Variants in ADK observed in about 807,000 individuals in gnomAD.
ADK encodes adenosine kinase, also known as N6,N6-dimethyladenosine kinase.
In ADK, 24 loss-of-function variants were observed where a neutral mutation model predicts 44.7. The observed-to-expected ratio is 0.54, with a 90% confidence interval of 0.39 to 0.76. The LOEUF (loss-of-function observed/expected upper bound fraction) is 0.76. Among genes scored for constraint, ADK ranks in the 30% least tolerant of loss-of-function variants. ADK has a pLI of 0.00. For missense variants in ADK, 321 were observed against 425.1 expected, an observed-to-expected ratio of 0.76 and a Z score of 2.15; for synonymous variants, 128 against 142.6, an observed-to-expected ratio of 0.90 and a Z score of 0.73.
intron 9 of ADK, among the ~76,000 whole-genome samples, chr10:74,616,996 TTC>T (rs1852789061): frequency 1.3e-5 from 2 of 152,162 alleles, no homozygotes; most frequent in African/African-American, 4.8e-5. Context: ...AGGTTTCTGT[TTC>T]TATTTGTTTT....
chr10:74,426,508 G>A (rs1019576798), intron 6 of ADK, among the ~76,000 whole-genome samples: 3 of 152,064 alleles, frequency 2.0e-5, no homozygotes, highest in Non-Finnish European at 2.9e-5. Flanking sequence ...TACCCATAGT[G>A]CTACTTGTCA....
At chr10:74,205,034 C>T (rs111480277) in intron 2 of ADK, among the ~76,000 whole-genome samples, 2,427 of 77,876 alleles carry the variant, frequency 0.031, 35 homozygotes, top group Middle Eastern at 0.077. Context: ...AGTTGACACT[C>T]TGTCTCAAAA....
At chr10:74,686,812 C>T (rs543928986) in intron 10 of ADK, among the ~76,000 whole-genome samples, 84 of 151,844 alleles carry the variant, frequency 5.5e-4, no homozygotes, top group African/African-American at 1.8e-3. Context: ...AAGTAGCTGG[C>T]GACTACAGGT....
chr10:74,611,463 G>A (rs2133995415), intron 9 of ADK, among the ~76,000 whole-genome samples: 1 of 151,248 alleles, frequency 6.6e-6, no homozygotes, highest in East Asian at 1.9e-4. Flanking sequence ...ATCACCTAGT[G>A]AGTTTTTGGT....
chr10:74,624,030 T>C (rs1021226515), intron 9 of ADK, among the ~76,000 whole-genome samples: 1 of 152,132 alleles, frequency 6.6e-6, no homozygotes, highest in Non-Finnish European at 1.5e-5. Flanking sequence ...TCTTTGGAAG[T>C]ATAGCTGAAA....
intron 10 of ADK, among the ~76,000 whole-genome samples, chr10:74,674,144 C>T (rs981007716): frequency 6.6e-5 from 10 of 152,000 alleles, no homozygotes; most frequent in African/African-American, 7.3e-5. Flanking sequence ...TAGGATGGGG[C>T]GCTCACCAGA....
intron 7 of ADK, among the ~76,000 whole-genome samples, chr10:74,573,544 T>C (rs1851052193): frequency 6.6e-6 from 1 of 152,180 alleles, no homozygotes; most frequent in African/African-American, 2.4e-5. Context: ...AGCTGTCAGA[T>C]AGGGACATTT....
chr10:74,647,622 A>G (rs924446602), intron 9 of ADK, among the ~76,000 whole-genome samples: 1 of 152,154 alleles, frequency 6.6e-6, no homozygotes, highest in Admixed American at 6.5e-5. Flanking sequence ...ATTCTGACAC[A>G]TGTATAGTTC....
At chr10:74,707,526 G>A (rs1360578104) in intron 10 of ADK, among the ~76,000 whole-genome samples, 1 of 152,084 alleles carries the variant, frequency 6.6e-6, no homozygotes, top group African/African-American at 2.4e-5. Flanking sequence ...ACTTTGGGAG[G>A]CCAAGGCAGG....
intron 10 of ADK, among the ~76,000 whole-genome samples, chr10:74,697,580 A>G (rs758743528): frequency 3.9e-5 from 6 of 152,242 alleles, no homozygotes; most frequent in Admixed American, 1.3e-4. Context: ...ACTGGGTTTT[A>G]GGTTCCAGCT....
intron 3 of ADK, among the ~76,000 whole-genome samples, chr10:74,247,430 G>T (rs937600748): frequency 4.0e-5 from 6 of 151,310 alleles, no homozygotes; most frequent in African/African-American, 1.5e-4. Context: ...GTAGAGAAGG[G>T]TATTTTTTGT....
At chr10:74,373,341 T>G (rs1326610857) in intron 4 of ADK, among the ~76,000 whole-genome samples, 7 of 152,142 alleles carry the variant, frequency 4.6e-5, no homozygotes, top group Non-Finnish European at 2.9e-5. Flanking sequence ...CATCAAGTTT[T>G]GAAAGTTTTG....
chr10:74,629,489 A>G (rs1853336023), intron 9 of ADK, among the ~76,000 whole-genome samples: 1 of 152,210 alleles, frequency 6.6e-6, no homozygotes, highest in Non-Finnish European at 1.5e-5. Context: ...GTATCTGAAC[A>G]TGTCTATGAC....
intron 7 of ADK, among the ~76,000 whole-genome samples, chr10:74,587,154 T>A (rs1851558096): frequency 6.6e-6 from 1 of 152,184 alleles, no homozygotes; most frequent in Non-Finnish European, 1.5e-5. Context: ...CTTTTTCATA[T>A]AAGAATTTGC....
At chr10:74,176,984 G>C in intron 1 of ADK, 2 of 1,511,634 alleles carry the variant, frequency 1.3e-6, no homozygotes, top group South Asian at 1.2e-5. Context: ...TCTGGAGCCT[G>C]CCTCCGCCTC....
intron 6 of ADK, among the ~76,000 whole-genome samples, chr10:74,473,736 A>G (rs188174524): frequency 7.2e-5 from 11 of 152,340 alleles, no homozygotes. Context: ...ACATCAAGTT[A>G]AGGTGGTGTC....
rs1002920921 is a variant in ADK, at chr10:74,495,030, A to G, written c.556-30226A>G. Among the ~76,000 whole-genome samples, 12 of 152,016 alleles carry G rather than the reference A, an allele frequency of 7.9e-5. 1 individual carries two copies. Among genetic ancestry groups the G allele is most frequent in the Admixed American group, 7.2e-4 (11 of 15,270 alleles). The stretch of plus-strand genomic sequence containing the variant: ...TTGCTCTATTATATTCTAAACTTAC[A>G]TATTGTTTTTGAGAGGTCTGGTTCT... On this transcript the variant is annotated intron_variant, in intron 6 of 10. Coordinates refer to ENST00000539909, the MANE Select transcript of ADK (RefSeq NM_006721.4).
intron 3 of ADK, among the ~76,000 whole-genome samples, chr10:74,301,695 T>G (rs1042714233): frequency 2.0e-5 from 3 of 152,062 alleles, no homozygotes; most frequent in Admixed American, 2.0e-4. Context: ...ATGTCCTTGG[T>G]TTTTTTCTCA....
chr10:74,613,886 C>T (rs556200611), intron 9 of ADK, among the ~76,000 whole-genome samples: 36 of 152,054 alleles, frequency 2.4e-4, no homozygotes, highest in Non-Finnish European at 4.1e-4. Flanking sequence ...ACCTTGTTGG[C>T]TTAGATTGGT....
Sources: allele counts gnomAD v4.1 joint callset (sites outside exome capture counted in the v4.1 genomes callset), GRCh38; gene constraint gnomAD v4.1.1; transcripts MANE v1.5; gene names NCBI Gene and HGNC (gene_info 2026-07-23, HGNC 2026-07-21).